The following ERBB4 variants were observed in gnomAD, a reference collection of about 807,000 sequenced individuals.
The protein encoded by ERBB4 is receptor tyrosine-protein kinase erbB-4.
In ERBB4, 42 loss-of-function variants were observed where a neutral mutation model predicts 158.0. The ratio of observed to expected loss-of-function variants is 0.27; its 90% CI spans 0.21 to 0.34. The LOEUF is 0.34. ERBB4 is among the 10% of genes least tolerant of loss of function. The pLI, the probability that ERBB4 is intolerant of heterozygous loss-of-function variation, is 1.00. For synonymous variants in ERBB4, 583 were observed against 558.7 expected (o/e 1.04, Z -0.61); for missense variants, 1,333 against 1,624.1 (o/e 0.82, Z 3.08).
At chr2:212,336,769 A>T (rs944709866) in intron 1 of ERBB4, among the ~76,000 whole-genome samples, 1 of 152,084 alleles carries the variant, frequency 6.6e-6, no homozygotes, top group Non-Finnish European at 1.5e-5. Context: ...TTCACTTTGC[A>T]CTGAGATTAG....
intron 1 of ERBB4, among the ~76,000 whole-genome samples, chr2:212,344,595 A>G (rs1011190460): frequency 1.7e-5 from 2 of 116,398 alleles, no homozygotes; most frequent in African/African-American, 6.7e-5. Context: ...AAGTCTTGGT[A>G]ATTTCGTAAT....
chr2:211,849,551 G>A (rs1359663674), intron 3 of ERBB4, among the ~76,000 whole-genome samples: 1 of 151,890 alleles, frequency 6.6e-6, no homozygotes, highest in African/African-American at 2.4e-5. Flanking sequence ...GGTATATGGT[G>A]CTAACTCTTA....
Position 211,657,742 on chromosome 2 carries a change from G to A in ERBB4, c.1946+12C>T, listed in dbSNP as rs749997257. The stretch of plus-strand genomic sequence containing the variant: ...GATTTGAGCGACAAAATGGAAACAT[G>A]GTAGATGTTACCTAGCATGTTGTGG... On this transcript the variant is annotated intron_variant, in intron 16 of 27. Transcript: ENST00000342788. 9.4e-6 allele frequency: 15 copies of A among 1,603,822 alleles called. No homozygotes were observed. Among genetic ancestry groups the A allele is most frequent in the Middle Eastern group, 1.7e-4 (1 of 6,040 alleles).
intron 20 of ERBB4, among the ~76,000 whole-genome samples, chr2:211,456,723 C>T (rs2064391452): frequency 6.6e-6 from 1 of 152,010 alleles, no homozygotes; most frequent in African/African-American, 2.4e-5. Flanking sequence ...AAAAAACTGT[C>T]CCAACTCAGG....
intron 1 of ERBB4, among the ~76,000 whole-genome samples, chr2:212,164,480 C>T (rs1465443522): frequency 1.3e-5 from 2 of 151,764 alleles, no homozygotes; most frequent in Non-Finnish European, 2.9e-5. Flanking sequence ...GGTTTCTCAC[C>T]TGGCAAAAAT....
At chr2:212,076,334 G>A (rs769281641) in intron 2 of ERBB4, among the ~76,000 whole-genome samples, 1 of 151,860 alleles carries the variant, frequency 6.6e-6, no homozygotes, top group African/African-American at 2.4e-5. Flanking sequence ...GATCATGAGA[G>A]AGATAAATAT....
chr2:212,044,904 T>C (rs1158001776), intron 2 of ERBB4, among the ~76,000 whole-genome samples: 2 of 152,052 alleles, frequency 1.3e-5, no homozygotes, highest in African/African-American at 2.4e-5. Context: ...TTTGATGGGA[T>C]AGATACGATT....
intron 1 of ERBB4, among the ~76,000 whole-genome samples, chr2:212,533,455 T>C (rs1261415134): frequency 1.3e-5 from 2 of 152,190 alleles, no homozygotes; most frequent in African/African-American, 4.8e-5. Context: ...TCGAGAACTG[T>C]CTCTGCAAGG....
chr2:212,186,984 T>C (rs2082033270), intron 1 of ERBB4, among the ~76,000 whole-genome samples: 1 of 152,086 alleles, frequency 6.6e-6, no homozygotes, highest in African/African-American at 2.4e-5. Flanking sequence ...TCCCTTAAAA[T>C]CAAATTTAAA....
intron 25 of ERBB4, among the ~76,000 whole-genome samples, chr2:211,412,226 A>C (rs2063277687): frequency 6.6e-6 from 1 of 152,246 alleles, no homozygotes; most frequent in Admixed American, 6.5e-5. Context: ...TCACCTCCTG[A>C]TAAAAGTTCT....
intron 2 of ERBB4, among the ~76,000 whole-genome samples, chr2:212,094,716 T>C (rs1479381905): frequency 1.3e-5 from 2 of 152,204 alleles, no homozygotes; most frequent in Admixed American, 1.3e-4. Flanking sequence ...GCTGGTGCCA[T>C]GCTTCCTGTG....
At chr2:211,726,348 C>A (rs1457216646) in intron 5 of ERBB4, among the ~76,000 whole-genome samples, 1 of 152,102 alleles carries the variant, frequency 6.6e-6, no homozygotes, top group African/African-American at 2.4e-5. Context: ...GAATTGAGTT[C>A]TCTGTGGAGC....
At chr2:211,942,797 T>C (rs1238436818) in intron 3 of ERBB4, among the ~76,000 whole-genome samples, 2 of 152,160 alleles carry the variant, frequency 1.3e-5, no homozygotes, top group African/African-American at 2.4e-5. Flanking sequence ...GTTGTATTTC[T>C]GTATCATCCC....
intron 16 of ERBB4, among the ~76,000 whole-genome samples, chr2:211,648,389 T>C (rs114304818): frequency 0.053 from 8,012 of 151,140 alleles, 317 homozygotes; most frequent in Middle Eastern, 0.1. Flanking sequence ...ATGTAAATAA[T>C]ATTAAATAAT....
chr2:212,405,464 C>T (rs1462946000), intron 1 of ERBB4, among the ~76,000 whole-genome samples: 1 of 152,044 alleles, frequency 6.6e-6, no homozygotes, highest in Admixed American at 6.6e-5. Context: ...TACCATTGGA[C>T]TCAGCAATCC....
At chr2:211,564,833 C>T (rs957553600) in intron 19 of ERBB4, among the ~76,000 whole-genome samples, 1 of 152,128 alleles carries the variant, frequency 6.6e-6, no homozygotes, top group African/African-American at 2.4e-5. Context: ...GGACAAATAG[C>T]TCTGGGAAAG....
chr2:212,463,053 T>C (rs1688655185), intron 1 of ERBB4, among the ~76,000 whole-genome samples: 1 of 152,054 alleles, frequency 6.6e-6, no homozygotes, highest in Non-Finnish European at 1.5e-5. Flanking sequence ...ATTGAAAAAG[T>C]TGATCTTATG....
At chr2:211,906,223 T>A (rs553230089) in intron 3 of ERBB4, among the ~76,000 whole-genome samples, 46 of 152,210 alleles carry the variant, frequency 3.0e-4, no homozygotes, top group Admixed American at 1.1e-3. Flanking sequence ...GTGGAAGCAT[T>A]GGATGTGCAG....
chr2:212,099,134 G>A (rs575323728), intron 2 of ERBB4, among the ~76,000 whole-genome samples: 1 of 148,194 alleles, frequency 6.7e-6, no homozygotes, highest in African/African-American at 2.5e-5. Flanking sequence ...CATGGACAGA[G>A]CCCCTCTCTA....
Sources: gnomAD v4.1 joint callset for allele counts (sites outside exome capture counted in the v4.1 genomes callset) on GRCh38, gnomAD v4.1.1 for gene constraint, MANE v1.5 for transcripts, NCBI Gene and HGNC (gene_info 2026-07-23, HGNC 2026-07-21) for gene names.